The following MGAT4C variants were observed in gnomAD, a reference collection of about 807,000 sequenced individuals.
The protein encoded by MGAT4C is alpha-1,3-mannosyl-glycoprotein 4-beta-N-acetylglucosaminyltransferase C.
MGAT4C carries 19 observed loss-of-function variants against 40.1 expected under a neutral mutation model. The observed-to-expected ratio is 0.47, with a 90% CI of 0.33 to 0.70. The LOEUF is 0.70. Ranked by LOEUF, MGAT4C falls within the 30% of genes least tolerant of loss-of-function variation. The pLI is 0.02. For missense variants in MGAT4C, 491 were observed against 563.2 expected (o/e 0.87, Z 1.30); for synonymous variants, 181 against 187.1 (o/e 0.97, Z 0.27).
At chr12:86,536,783 C>T (rs1165735971) in intron 2 of MGAT4C, among the ~76,000 whole-genome samples, 1 of 152,108 alleles carries the variant, frequency 6.6e-6, no homozygotes, top group Non-Finnish European at 1.5e-5. Flanking sequence ...ATTTAAAAAT[C>T]AACAGTTATT....
intron 2 of MGAT4C, among the ~76,000 whole-genome samples, chr12:86,699,642 A>G (rs760025065): frequency 6.6e-6 from 1 of 152,134 alleles, no homozygotes; most frequent in Non-Finnish European, 1.5e-5. Flanking sequence ...AATTATTAAT[A>G]GCCTACTGTT....
intron 1 of MGAT4C, among the ~76,000 whole-genome samples, chr12:86,736,032 C>T (rs1470826487): frequency 6.6e-6 from 1 of 151,844 alleles, no homozygotes; most frequent in African/African-American, 2.4e-5. Context: ...CTGTTGCTGT[C>T]ATCAAAAGTC....
Position 86,226,894 on chromosome 12 carries a change from A to G in MGAT4C, c.-57+29345T>C, listed in dbSNP as rs1951106104. On this transcript the variant is annotated intron_variant, in intron 1 of 4. Coordinates refer to ENST00000611864, the MANE Select transcript of MGAT4C (RefSeq NM_001351288.2). ...TCTTTGGACCCTGCAACCCACTCCT[A>G]CTAGTGCTCTCTTTCTGTGCTCCTC... 3.3e-5 allele frequency among the ~76,000 whole-genome samples: 5 copies of G among 151,820 alleles called. No individual in the cohort carries two copies. In the South Asian group the frequency reaches 1.0e-3, roughly 31 times the overall value.
intron 3 of MGAT4C, among the ~76,000 whole-genome samples, chr12:86,391,486 G>A (rs561921082): frequency 6.6e-6 from 1 of 152,308 alleles, no homozygotes; most frequent in East Asian, 1.9e-4. Context: ...ATAAAATGGA[G>A]GTGTGTGTGC....
rs926800274 is a variant in MGAT4C at position 86,786,426 on chromosome 12, C to CT, written c.-262+52239dup. 8.2e-4 allele frequency among the ~76,000 whole-genome samples: 124 copies of CT among 151,738 alleles called. 1 individual carries two copies. The highest frequency in any genetic ancestry group is 2.9e-3 in the African/African-American group (119 of 41,436). On this transcript the variant is annotated intron_variant, in intron 1 of 7. Transcript: ENST00000548651. ...CAATGATGTCAGTAAAATATTTTTT[C>CT]TTTTTTTTGGTTTCAGAAGAAAGCA...
At chr12:86,144,490 A>T (rs1192455409) in intron 1 of MGAT4C, among the ~76,000 whole-genome samples, 3 of 152,174 alleles carry the variant, frequency 2.0e-5, no homozygotes, top group Admixed American at 6.5e-5. Context: ...GGTATGTGTG[A>T]CCAAGGGGTT....
At chr12:86,817,742 T>C (rs902833464) in intron 1 of MGAT4C, among the ~76,000 whole-genome samples, 2 of 151,554 alleles carry the variant, frequency 1.3e-5, no homozygotes, top group African/African-American at 2.4e-5. Flanking sequence ...AGAAAATTAA[T>C]AGAAATATTA....
At chr12:86,048,604 G>A (rs1259970457) in intron 2 of MGAT4C, among the ~76,000 whole-genome samples, 1 of 152,012 alleles carries the variant, frequency 6.6e-6, no homozygotes, top group Admixed American at 6.6e-5. Flanking sequence ...AAAAAAGGAA[G>A]AGATATGGAA....
intron 4 of MGAT4C, among the ~76,000 whole-genome samples, chr12:86,293,575 A>C (rs182998255): frequency 1.3e-5 from 2 of 152,132 alleles, no homozygotes; most frequent in Admixed American, 6.6e-5. Context: ...TTGTTTTTTA[A>C]ATTTGAGTAA....
intron 2 of MGAT4C, among the ~76,000 whole-genome samples, chr12:86,586,826 G>T (rs1029472575): frequency 3.3e-5 from 5 of 151,894 alleles, no homozygotes; most frequent in African/African-American, 9.7e-5. Flanking sequence ...AAATTTGTTG[G>T]AGTTCATTGT....
chr12:86,800,697 C>T (rs372225103), intron 1 of MGAT4C, among the ~76,000 whole-genome samples: 33 of 151,920 alleles, frequency 2.2e-4, no homozygotes, highest in African/African-American at 7.0e-4. Flanking sequence ...GTCCAAGATA[C>T]TGGGAGGAAA....
chr12:86,649,232 T>C (rs1284200208), intron 2 of MGAT4C, among the ~76,000 whole-genome samples: 2 of 151,824 alleles, frequency 1.3e-5, no homozygotes, highest in Admixed American at 1.3e-4. Context: ...CCTGAATCTA[T>C]AAGCTTCAGG....
intron 3 of MGAT4C, among the ~76,000 whole-genome samples, chr12:86,391,138 G>A (rs1194362185): frequency 2.0e-5 from 3 of 152,086 alleles, no homozygotes; most frequent in Non-Finnish European, 4.4e-5. Flanking sequence ...GTAGTCTTGA[G>A]TTTTCAAATT....
chr12:86,301,823 G>A (rs138995356), intron 4 of MGAT4C, among the ~76,000 whole-genome samples: 57 of 152,144 alleles, frequency 3.7e-4, no homozygotes, highest in African/African-American at 7.2e-4. Context: ...AAATTGCTAC[G>A]TGCACTGATG....
chr12:86,733,444 C>CAAAT (rs1950941455), intron 1 of MGAT4C, among the ~76,000 whole-genome samples: 1 of 151,994 alleles, frequency 6.6e-6, no homozygotes, highest in African/African-American at 2.4e-5. Flanking sequence ...AACAAACAAA[C>CAAAT]AAACAAACAC....
At chr12:86,360,623 GCA>G (rs768573356) in intron 3 of MGAT4C, among the ~76,000 whole-genome samples, 3 of 152,176 alleles carry the variant, frequency 2.0e-5, no homozygotes, top group Non-Finnish European at 4.4e-5. Flanking sequence ...AAGCTGATAA[GCA>G]ACTTCAGCAA....
intron 2 of MGAT4C, among the ~76,000 whole-genome samples, chr12:86,679,957 C>T (rs1949950038): frequency 6.6e-6 from 1 of 152,008 alleles, no homozygotes; most frequent in African/African-American, 2.4e-5. Context: ...GTTTCCTTGC[C>T]TTAGAGTATC....
intron 2 of MGAT4C, among the ~76,000 whole-genome samples, chr12:86,492,061 A>G (rs1958148369): frequency 6.6e-6 from 1 of 152,188 alleles, no homozygotes. Context: ...TTCAAAGAGA[A>G]TAAAATACCT....
At chr12:86,609,642 T>C (rs1343243871) in intron 2 of MGAT4C, among the ~76,000 whole-genome samples, 1 of 152,068 alleles carries the variant, frequency 6.6e-6, no homozygotes, top group African/African-American at 2.4e-5. Flanking sequence ...CAAAATAATC[T>C]GTTTTTCTGA....
Sources: gnomAD v4.1 joint callset for allele counts (sites outside exome capture counted in the v4.1 genomes callset) on GRCh38, gnomAD v4.1.1 for gene constraint, MANE v1.5 for transcripts, NCBI Gene and HGNC (gene_info 2026-07-23, HGNC 2026-07-21) for gene names.